The following GABRA4 variants were observed in gnomAD, a reference collection of about 807,000 sequenced individuals.
The protein encoded by GABRA4 is gamma-aminobutyric acid type A receptor subunit alpha4.
GABRA4 carries 12 observed loss-of-function variants against 49.7 expected under a neutral mutation model. The ratio of observed to expected loss-of-function variants is 0.24; its 90% CI spans 0.15 to 0.39. The LOEUF (loss-of-function observed/expected upper bound fraction) is 0.39. Ranked by LOEUF, GABRA4 falls within the 10% of genes least tolerant of loss-of-function variation. The pLI, the probability that GABRA4 is intolerant of heterozygous loss-of-function variation, is 1.00. For missense variants in GABRA4, 506 were observed against 686.0 expected (o/e 0.74, Z 2.93); for synonymous variants, 288 against 240.2 (o/e 1.20, Z -1.84).
At chr4:46,976,055 C>G (rs1032489540) in intron 5 of GABRA4, among the ~76,000 whole-genome samples, 2 of 151,900 alleles carry the variant, frequency 1.3e-5, no homozygotes, top group South Asian at 4.1e-4. Flanking sequence ...TAAAAGCCAG[C>G]ATCTATTTTT....
chr4:46,978,173 T>A (rs907577972), intron 3 of GABRA4, among the ~76,000 whole-genome samples: 1 of 152,074 alleles, frequency 6.6e-6, no homozygotes, highest in Non-Finnish European at 1.5e-5. Flanking sequence ...ATATATTTAA[T>A]ATAAGAGAGC....
At chr4:46,929,700 T>C (rs1383956878) in intron 8 of GABRA4, among the ~76,000 whole-genome samples, 1 of 151,990 alleles carries the variant, frequency 6.6e-6, no homozygotes, top group African/African-American at 2.4e-5. Flanking sequence ...CACGTCTGAG[T>C]TTTTAGAATA....
At chr4:46,981,722 A>T (rs1280721345) in intron 2 of GABRA4, among the ~76,000 whole-genome samples, 2 of 152,116 alleles carry the variant, frequency 1.3e-5, no homozygotes, top group Non-Finnish European at 2.9e-5. Flanking sequence ...TAAATGACAG[A>T]ATGCTATCAT....
chr4:46,962,270 CA>C (rs1722602438), intron 8 of GABRA4, among the ~76,000 whole-genome samples: 1 of 108,304 alleles, frequency 9.2e-6, no homozygotes, highest in Non-Finnish European at 2.0e-5. Context: ...TTGCAGGATA[CA>C]AAATTAATAT....
At position 46,934,675 on chromosome 4, in the gene GABRA4, C is replaced by T. The variant is rs558483657; in HGVS notation, c.1135-5920G>A. On this transcript the variant is annotated intron_variant, in intron 8 of 8. Coordinates refer to ENST00000264318, the MANE Select transcript of GABRA4 (RefSeq NM_000809.4). Reference sequence around the variant, plus strand: ...AAATCTTAAAGAATCCATTCATTTTCCCTTTATATATTTAGAGTTGAGGGT... The same window carrying T: ...AAATCTTAAAGAATCCATTCATTTTTCCTTTATATATTTAGAGTTGAGGGT... Among the ~76,000 whole-genome samples the T allele has an allele frequency of 8.5e-5, 13 of 152,196 alleles. No individual in the cohort carries two copies. In the South Asian group the frequency reaches 2.7e-3, roughly 32 times the overall value.
intron 7 of GABRA4, among the ~76,000 whole-genome samples, chr4:46,970,350 T>C (rs1402491279): frequency 2.0e-5 from 3 of 151,482 alleles, no homozygotes; most frequent in East Asian, 1.9e-4. Context: ...AATGCTTTTG[T>C]TACTCACAAT....
At chr4:46,937,262 T>G (rs1721634136) in intron 8 of GABRA4, among the ~76,000 whole-genome samples, 3 of 152,312 alleles carry the variant, frequency 2.0e-5, no homozygotes, top group African/African-American at 7.2e-5. Context: ...CCAAACCCTG[T>G]TGGAACCTTT....
intron 8 of GABRA4, among the ~76,000 whole-genome samples, chr4:46,949,430 A>AT (rs769967720): frequency 6.6e-6 from 1 of 152,060 alleles, no homozygotes; most frequent in Non-Finnish European, 1.5e-5. Flanking sequence ...AAGCAAGGAC[A>AT]TTTTTTGTTC....
chr4:46,929,648 C>G (rs1366550247), intron 8 of GABRA4, among the ~76,000 whole-genome samples: 1 of 152,052 alleles, frequency 6.6e-6, no homozygotes, highest in Non-Finnish European at 1.5e-5. Flanking sequence ...ATTCTCCATG[C>G]TAATGAAGGA....
chr4:46,921,121 G>T lies in GABRA4; in HGVS notation c.*7104C>A, dbSNP rs776401500. On this transcript the variant is annotated 3_prime_UTR_variant, in exon 9 of 9. Transcript: ENST00000264318. The stretch of plus-strand genomic sequence containing the variant: ...TTATTCAAAATTTCTTTTATATTAC[G>T]CATGGGTATTTCTTTTTTTTTTTAA... 2 of 150,924 alleles carry T rather than the reference G, an allele frequency of 1.3e-5. No individual in the cohort carries two copies. The highest frequency in any genetic ancestry group is 6.6e-5 in the Admixed American group (1 of 15,148). 9.3% of individuals were successfully genotyped at this position (150,924 alleles called of 1,614,324 possible).
chr4:46,938,004 A>G (rs990643444), intron 8 of GABRA4, among the ~76,000 whole-genome samples: 1 of 152,132 alleles, frequency 6.6e-6, no homozygotes, highest in Non-Finnish European at 1.5e-5. Context: ...CAAAGCATGC[A>G]TTTGTTTAAA....
rs545267529 is a variant in GABRA4 at position 46,958,441 on chromosome 4, C to T, written c.1134+6529G>A. Reference sequence around the variant, plus strand: ...GAAGTGATTTTTAAAAATATCATTTCATTAAGAAAGCTTTATTTTTTGTTC... The same window carrying T: ...GAAGTGATTTTTAAAAATATCATTTTATTAAGAAAGCTTTATTTTTTGTTC... On this transcript the variant is annotated intron_variant, in intron 8 of 8. Coordinates refer to ENST00000264318, the MANE Select transcript of GABRA4 (RefSeq NM_000809.4). Among the ~76,000 whole-genome samples the T allele has an allele frequency of 2.7e-3, 414 of 151,878 alleles. 2 individuals carry two copies. The highest frequency in any genetic ancestry group is 9.6e-3 in the African/African-American group (400 of 41,464).
At chr4:46,957,028 A>T (rs544695902) in intron 8 of GABRA4, among the ~76,000 whole-genome samples, 1 of 152,184 alleles carries the variant, frequency 6.6e-6, no homozygotes, top group Non-Finnish European at 1.5e-5. Flanking sequence ...GTTCATGCAT[A>T]CTTTATTTAA....
At chr4:46,982,502 G>A (rs150912245) in intron 2 of GABRA4, among the ~76,000 whole-genome samples, 9 of 152,082 alleles carry the variant, frequency 5.9e-5, no homozygotes, top group Admixed American at 2.6e-4. Flanking sequence ...CCCCAGAACT[G>A]TGAAAAATTA....
chr4:46,979,298 G>A (rs1257216005), intron 2 of GABRA4, among the ~76,000 whole-genome samples, 200 bp from the exon 3 acceptor site: 1 of 152,032 alleles, frequency 6.6e-6, no homozygotes, highest in Non-Finnish European at 1.5e-5. Context: ...TTTACTTACA[G>A]GCAAAAAGAA....
Position 46,991,083 on chromosome 4 carries a change from G to A in GABRA4, c.205+1745C>T, listed in dbSNP as rs1015096545. 3.3e-5 allele frequency among the ~76,000 whole-genome samples: 5 copies of A among 152,086 alleles called. No individual in the cohort carries two copies. The East Asian group carries it at 5.8e-4, about 18-fold the overall frequency. On this transcript the variant is annotated intron_variant, in intron 2 of 8. Transcript: ENST00000264318. ...CACCTGTAATCCCAGCTACTCTGGG[G>A]GCTGAGGCAGGAGAATCACTTGAAC...
chr4:46,948,686 C>A (rs1473979767), intron 8 of GABRA4, among the ~76,000 whole-genome samples: 1 of 152,076 alleles, frequency 6.6e-6, no homozygotes, highest in Non-Finnish European at 1.5e-5. Flanking sequence ...TGGATTCATA[C>A]TGTCTCTCCC....
intron 2 of GABRA4, among the ~76,000 whole-genome samples, chr4:46,985,784 CT>C (rs951491087): frequency 5.3e-5 from 8 of 151,052 alleles, no homozygotes; most frequent in African/African-American, 9.7e-5. Context: ...TATTGTATAT[CT>C]TTTTTTTTAA....
chr4:46,988,999 G>C (rs1401012876), intron 2 of GABRA4, among the ~76,000 whole-genome samples: 1 of 152,114 alleles, frequency 6.6e-6, no homozygotes, highest in Non-Finnish European at 1.5e-5. Flanking sequence ...TAAATAATGC[G>C]AAGTCCACTA....
Sources: gnomAD v4.1 joint callset for allele counts (sites outside exome capture counted in the v4.1 genomes callset) on GRCh38, gnomAD v4.1.1 for gene constraint, MANE v1.5 for transcripts, NCBI Gene and HGNC (gene_info 2026-07-23, HGNC 2026-07-21) for gene names.